GPBP1: variants seen among roughly 807,000 people sequenced by gnomAD.
GPBP1 encodes the protein vasculin.
In GPBP1, 13 loss-of-function variants were observed where a neutral mutation model predicts 56.5. The ratio of observed to expected loss-of-function variants is 0.23; its 90% CI spans 0.15 to 0.37. GPBP1 has a LOEUF of 0.37. Among genes scored for constraint, GPBP1 ranks in the 10% least tolerant of loss-of-function variants. The probability of loss-of-function intolerance (pLI) is 1.00; values close to 1 mark genes in which losing one functional copy is unlikely to be tolerated. For missense variants in GPBP1, 477 were observed against 572.3 expected, an observed-to-expected ratio of 0.83 and a Z score of 1.70; for synonymous variants, 204 against 188.9, an observed-to-expected ratio of 1.08 and a Z score of -0.66.
chr5:57,221,294 G>T, intron 3 of GPBP1: 1 of 954,224 alleles, frequency 1.0e-6, no homozygotes, highest in Admixed American at 2.6e-5. Flanking sequence ...TGGCGCACTA[G>T]TTTTTTCTTT....
At chr5:57,259,301 G>T (rs1741791960) in intron 10 of GPBP1, among the ~76,000 whole-genome samples, 1 of 152,166 alleles carries the variant, frequency 6.6e-6, no homozygotes, top group African/African-American at 2.4e-5. Flanking sequence ...ATCATGTTAT[G>T]TTTTATTCAA....
chr5:57,178,672 C>T (rs547709738), intron 2 of GPBP1, among the ~76,000 whole-genome samples: 1 of 152,210 alleles, frequency 6.6e-6, no homozygotes, highest in Non-Finnish European at 1.5e-5. Context: ...TAACATTTGT[C>T]AACTTTGCGT....
At chr5:57,225,739 A>AGCTGGAGGAGATGACACTG (rs1328887047) in intron 3 of GPBP1, among the ~76,000 whole-genome samples, 3 of 152,156 alleles carry the variant, frequency 2.0e-5, no homozygotes, top group Non-Finnish European at 4.4e-5. Context: ...TGCCTGAGTC[A>AGCTGGAGGAGATGACACTG]AACAGCAGCT....
chr5:57,195,780 A>G (rs1229347679), intron 2 of GPBP1, among the ~76,000 whole-genome samples: 2 of 151,918 alleles, frequency 1.3e-5, no homozygotes, highest in African/African-American at 2.4e-5. Context: ...AGGCAGGCGG[A>G]TCACCTGAGG....
chr5:57,264,230 C>A lies in GPBP1; in HGVS notation c.*1478C>A, dbSNP rs529363550. 1 of 152,062 alleles carries A rather than the reference C, an allele frequency of 6.6e-6. No homozygotes were observed. The highest frequency in any genetic ancestry group is 1.9e-4 in the East Asian group (1 of 5,178). 9.4% of individuals were successfully genotyped at this position (152,062 alleles called of 1,614,324 possible). On this transcript the variant is annotated 3_prime_UTR_variant, in exon 12 of 12. Coordinates refer to ENST00000506184, the MANE Select transcript of GPBP1 (RefSeq NM_022913.4). ...GAATGGTAATAAAATATTAAATAGACCTTATACTTAAAATAAGGTTTCACT... is the reference window on the plus strand; with the variant it reads ...GAATGGTAATAAAATATTAAATAGAACTTATACTTAAAATAAGGTTTCACT...
intron 3 of GPBP1, among the ~76,000 whole-genome samples, chr5:57,230,239 A>G (rs1756392764): frequency 6.6e-6 from 1 of 152,144 alleles, no homozygotes; most frequent in African/African-American, 2.4e-5. Context: ...GCCTAAAATT[A>G]AATTCTTTAA....
rs775300256 is a variant in GPBP1 at position 57,251,101 on chromosome 5, CA to C, written c.1123del (p.Thr375LeufsTer15). Reference protein sequence around the residue: ...QQIIRSSTFPQTDVLSSSLEA... With the variant: ...QQIIRSSTFPXTDVLSSSLEA... ...GATCATTCGGTCTTCAACCTTCCCACAAACTGATGTTCTTTCAAGTTCACTT... is the reference window on the plus strand; with the variant it reads ...GATCATTCGGTCTTCAACCTTCCCACAACTGATGTTCTTTCAAGTTCACTT... On this transcript the variant is annotated frameshift_variant, in exon 10 of 12. Transcript: ENST00000506184. LOFTEE classifies it high-confidence loss of function. 6.2e-7 allele frequency: 1 copy of C among 1,611,816 alleles called. No individual in the cohort carries two copies. Among genetic ancestry groups the C allele is most frequent in the South Asian group, 1.1e-5 (1 of 90,528 alleles).
Position 57,175,512 on chromosome 5 carries a change from T to G in GPBP1, c.-946T>G, listed in dbSNP as rs1753759028. 4 of 398,582 alleles carry G rather than the reference T, an allele frequency of 1.0e-5. No individual in the cohort carries two copies. The highest frequency in any genetic ancestry group is 1.3e-5 in the Non-Finnish European group (3 of 226,044). The allele number at this position is 398,582 out of a possible 1,614,324, so 24.7% of individuals were successfully genotyped here. A position where few individuals can be genotyped will look rare whatever the true frequency, so the allele number is the denominator to read the frequency against. On this transcript the variant is annotated 5_prime_UTR_variant, in exon 2 of 12. Coordinates refer to ENST00000506184, the MANE Select transcript of GPBP1 (RefSeq NM_022913.4). Reference sequence around the variant, plus strand: ...TTTGTGTAAAAGGCCCTGGATATTTTAAGTGGCCATTTTGGATTTACAGTG... The same window carrying G: ...TTTGTGTAAAAGGCCCTGGATATTTGAAGTGGCCATTTTGGATTTACAGTG...
chr5:57,260,127 C>T (rs2111976311), intron 10 of GPBP1, among the ~76,000 whole-genome samples: 1 of 152,300 alleles, frequency 6.6e-6, no homozygotes, highest in East Asian at 1.9e-4. Flanking sequence ...AATTATTCAA[C>T]TTTAATTTTT....
intron 2 of GPBP1, among the ~76,000 whole-genome samples, chr5:57,198,481 T>C (rs1754859527): frequency 6.6e-6 from 1 of 152,214 alleles, no homozygotes. Context: ...GTTCAGTATC[T>C]TGTGTAAATC....
chr5:57,238,315 C>A (rs2111886458), intron 6 of GPBP1, among the ~76,000 whole-genome samples: 1 of 152,178 alleles, frequency 6.6e-6, no homozygotes, highest in South Asian at 2.1e-4. Flanking sequence ...GCCTGTAATC[C>A]CAGCACTTTG....
chr5:57,248,655 C>T (rs1212850562), intron 8 of GPBP1, among the ~76,000 whole-genome samples: 2 of 151,960 alleles, frequency 1.3e-5, no homozygotes, highest in Admixed American at 6.6e-5. Flanking sequence ...GGGATGGTCT[C>T]GATCTCCTGA....
chr5:57,202,195 G>C (rs1238082966), intron 2 of GPBP1, among the ~76,000 whole-genome samples: 1 of 152,096 alleles, frequency 6.6e-6, no homozygotes, highest in Non-Finnish European at 1.5e-5. Context: ...ATGTTGACCA[G>C]GCTGGTCTCA....
chr5:57,176,560 T>TAC (rs1753794869), intron 2 of GPBP1, among the ~76,000 whole-genome samples, 160 bp downstream of exon 2: 1 of 151,366 alleles, frequency 6.6e-6, no homozygotes, highest in South Asian at 2.1e-4. Context: ...AACCATTGTC[T>TAC]GAGTAAACTG....
intron 2 of GPBP1, among the ~76,000 whole-genome samples, chr5:57,194,352 C>G (rs952393232): frequency 6.6e-6 from 1 of 152,016 alleles, no homozygotes. Flanking sequence ...GTGTATCAGA[C>G]CTTTTTGTTT....
chr5:57,235,222 A>T (rs772594900), intron 5 of GPBP1, among the ~76,000 whole-genome samples: 1 of 151,814 alleles, frequency 6.6e-6, no homozygotes, highest in Non-Finnish European at 1.5e-5. Context: ...CAGGAGAATC[A>T]CCTGAACCCT....
At chr5:57,248,395 C>T (rs1354623800) in intron 8 of GPBP1, among the ~76,000 whole-genome samples, 1 of 146,702 alleles carries the variant, frequency 6.8e-6, no homozygotes, top group Non-Finnish European at 1.5e-5. Context: ...GCTTTGGGTA[C>T]TGTATTGGAA....
intron 4 of GPBP1, 35 bp downstream of exon 4, chr5:57,231,004 T>C: frequency 1.9e-6 from 3 of 1,585,210 alleles, no homozygotes; most frequent in Non-Finnish European, 2.6e-6. Flanking sequence ...TTATGGCTAA[T>C]TTTCTTTATG....
At chr5:57,188,871 T>A (rs1041755439) in intron 2 of GPBP1, among the ~76,000 whole-genome samples, 1 of 152,220 alleles carries the variant, frequency 6.6e-6, no homozygotes. Context: ...CATCTTTGGC[T>A]TTCTTCTTTC....
Sources: gnomAD v4.1 joint callset for allele counts (sites outside exome capture counted in the v4.1 genomes callset) on GRCh38, gnomAD v4.1.1 for gene constraint, MANE v1.5 for transcripts, NCBI Gene and HGNC (gene_info 2026-07-23, HGNC 2026-07-21) for gene names.